Variants in POU6F2 observed in about 807,000 individuals in gnomAD.
The protein encoded by POU6F2 is POU domain, class 6, transcription factor 2.
In POU6F2, 31 loss-of-function variants were observed where a neutral mutation model predicts 71.3. That is an observed-to-expected ratio of 0.43 (90% confidence interval 0.33 to 0.59). The LOEUF is 0.59. Ranked by LOEUF, POU6F2 falls within the 20% of genes least tolerant of loss-of-function variation. POU6F2 has a pLI of 0.04. For synonymous variants in POU6F2, 347 were observed against 355.7 expected, an observed-to-expected ratio of 0.98 and a Z score of 0.27; for missense variants, 783 against 856.8, an observed-to-expected ratio of 0.91 and a Z score of 1.07.
chr7:39,304,993 G>C (rs1785023305), intron 4 of POU6F2, among the ~76,000 whole-genome samples: 1 of 152,182 alleles, frequency 6.6e-6, no homozygotes, highest in African/African-American at 2.4e-5. Context: ...GCTAATGCCT[G>C]CCCAGCTAAA....
intron 4 of POU6F2, among the ~76,000 whole-genome samples, chr7:39,231,869 AG>A (rs754206099): frequency 2.0e-5 from 3 of 152,226 alleles, no homozygotes; most frequent in Non-Finnish European, 4.4e-5. Flanking sequence ...TTCTTGGAGC[AG>A]TTGAAATGCC....
At chr7:39,151,460 G>A (rs1033359023) in intron 2 of POU6F2, among the ~76,000 whole-genome samples, 5 of 152,040 alleles carry the variant, frequency 3.3e-5, no homozygotes, top group African/African-American at 1.2e-4. Context: ...GAAGTCGCTG[G>A]GACCACAAGT....
intron 4 of POU6F2, among the ~76,000 whole-genome samples, chr7:39,332,618 T>A (rs2115572555): frequency 6.6e-6 from 1 of 152,342 alleles, no homozygotes; most frequent in Middle Eastern, 3.4e-3. Context: ...AAGGCATTGG[T>A]CCTCTGATTT....
At chr7:39,128,762 T>C (rs1010773011) in intron 2 of POU6F2, among the ~76,000 whole-genome samples, 4 of 152,218 alleles carry the variant, frequency 2.6e-5, no homozygotes, top group Non-Finnish European at 5.9e-5. Flanking sequence ...TCTCAGGCAG[T>C]CTGGCAGCCA....
At chr7:39,070,364 C>T (rs1234445559) in intron 1 of POU6F2, among the ~76,000 whole-genome samples, 1 of 150,280 alleles carries the variant, frequency 6.7e-6, no homozygotes, top group African/African-American at 2.5e-5. Flanking sequence ...CTTAAACTAC[C>T]AGGCATCTCC....
chr7:39,105,292 G>A (rs974988277), intron 2 of POU6F2, among the ~76,000 whole-genome samples: 11 of 152,178 alleles, frequency 7.2e-5, no homozygotes, highest in Non-Finnish European at 1.3e-4. Context: ...TCTAAAAAAG[G>A]ATAGGCTGAG....
intron 3 of POU6F2, 142 bp downstream of exon 3, chr7:39,204,468 A>G (rs1793966476): frequency 1.6e-6 from 1 of 613,652 alleles, no homozygotes; most frequent in East Asian, 2.8e-5. Flanking sequence ...GAAAAGCTGT[A>G]TGACTACATT....
rs771797575 is a variant in POU6F2, at chr7:39,086,064, A to G, written c.277+33A>G. ...TGTCTAGGTATTTCATTTCAGTACTACCATGTTGTCCGGAAGAGCAATCCA... is the reference window on the plus strand; with the variant it reads ...TGTCTAGGTATTTCATTTCAGTACTGCCATGTTGTCCGGAAGAGCAATCCA... On this transcript the variant is annotated intron_variant, in intron 2 of 9. Coordinates refer to ENST00000518318, the MANE Select transcript of POU6F2 (RefSeq NM_001370959.1). 3.7e-6 allele frequency: 6 copies of G among 1,600,186 alleles called. No individual in the cohort carries two copies. The South Asian group carries it at 6.7e-5, about 18-fold the overall frequency.
intron 4 of POU6F2, among the ~76,000 whole-genome samples, chr7:39,223,597 A>G (rs1205493263): frequency 6.6e-6 from 1 of 152,084 alleles, no homozygotes; most frequent in African/African-American, 2.4e-5. Flanking sequence ...GACCTAAACA[A>G]TCATCCTGTT....
intron 1 of POU6F2, among the ~76,000 whole-genome samples, chr7:39,016,382 A>G (rs1789548809): frequency 6.6e-6 from 1 of 151,628 alleles, no homozygotes; most frequent in Admixed American, 6.6e-5. Context: ...TTTATTAAGT[A>G]CAGCATCCAT....
intron 6 of POU6F2, 118 bp downstream of exon 6, chr7:39,406,858 T>A: frequency 7.4e-7 from 1 of 1,356,898 alleles, no homozygotes; most frequent in Admixed American, 1.8e-5. Flanking sequence ...AAATAAATAA[T>A]GTTTACTAGC....
At chr7:39,375,004 T>G (rs1786683842) in intron 5 of POU6F2, among the ~76,000 whole-genome samples, 1 of 152,200 alleles carries the variant, frequency 6.6e-6, no homozygotes, top group African/African-American at 2.4e-5. Context: ...TTCTACAGTT[T>G]GGGGAATTGT....
At chr7:39,200,421 T>C (rs1399726837) in intron 2 of POU6F2, among the ~76,000 whole-genome samples, 1 of 152,224 alleles carries the variant, frequency 6.6e-6, no homozygotes, top group Non-Finnish European at 1.5e-5. Flanking sequence ...TTGGAAACTT[T>C]GCCACTATCT....
chr7:39,266,658 G>A (rs868009598), intron 4 of POU6F2, among the ~76,000 whole-genome samples: 12 of 141,802 alleles, frequency 8.5e-5, no homozygotes, highest in African/African-American at 2.1e-4. Context: ...AGCCTCTTGA[G>A]TTGATGAGAT....
chr7:39,133,196 A>T (rs1792324614), intron 2 of POU6F2, among the ~76,000 whole-genome samples: 1 of 152,236 alleles, frequency 6.6e-6, no homozygotes, highest in Non-Finnish European at 1.5e-5. Flanking sequence ...TGGCCGTGTC[A>T]TTCCTTGTGA....
intron 4 of POU6F2, among the ~76,000 whole-genome samples, chr7:39,322,068 T>C (rs1160049571): frequency 6.6e-6 from 1 of 152,224 alleles, no homozygotes; most frequent in Non-Finnish European, 1.5e-5. Flanking sequence ...ATAAACTGTT[T>C]GAAATTAGTG....
Position 39,460,821 on chromosome 7 carries a change from A to T in POU6F2, c.1658+106A>T. ...GGTGGGCAAAGCTGGAGGGGCAGAGAGTGGGAACAAAGTTTGGGGGCAGCT... is the reference window on the plus strand; with the variant it reads ...GGTGGGCAAAGCTGGAGGGGCAGAGTGTGGGAACAAAGTTTGGGGGCAGCT... On this transcript the variant is annotated intron_variant, in intron 9 of 9. Transcript: ENST00000518318. The surrounding 1 kb of genome is among the most constrained non-coding windows in gnomAD (Gnocchi z 4.4). 1 of 1,294,914 alleles carries T rather than the reference A, an allele frequency of 7.7e-7. No homozygotes were observed. Among genetic ancestry groups the T allele is most frequent in the Non-Finnish European group, 1.0e-6 (1 of 976,308 alleles). The allele number at this position is 1,294,914 out of a possible 1,614,324, so 80.2% of individuals were successfully genotyped here.
chr7:39,383,005 A>T (rs1307692115), intron 5 of POU6F2, among the ~76,000 whole-genome samples: 1 of 152,222 alleles, frequency 6.6e-6, no homozygotes, highest in Middle Eastern at 3.2e-3. Context: ...TTAAAAAGTG[A>T]ATTTAAAAAT....
chr7:39,243,148 CATAGCACATATT>C (rs1381611802), intron 4 of POU6F2, among the ~76,000 whole-genome samples: 1 of 152,178 alleles, frequency 6.6e-6, no homozygotes, highest in Non-Finnish European at 1.5e-5. Flanking sequence ...CTCAATAACA[CATAGCACATATT>C]ATATTATTTG....
Sources: allele counts gnomAD v4.1 joint callset (sites outside exome capture counted in the v4.1 genomes callset), GRCh38; gene constraint gnomAD v4.1.1; non-coding constraint Gnocchi (gnomAD v3.1); transcripts MANE v1.5; gene names NCBI Gene and HGNC (gene_info 2026-07-23, HGNC 2026-07-21).